The following TBC1D1 variants were observed in gnomAD, a reference collection of about 807,000 sequenced individuals.
The protein encoded by TBC1D1 is TBC1 domain family member 1.
In TBC1D1, 89 loss-of-function variants were observed where a neutral mutation model predicts 125.6. The ratio of observed to expected loss-of-function variants is 0.71; its 90% CI spans 0.60 to 0.85. The LOEUF (loss-of-function observed/expected upper bound fraction) is 0.85. Among genes scored for constraint, TBC1D1 ranks in the 40% least tolerant of loss-of-function variants. The pLI is 0.00. For missense variants in TBC1D1, 1,377 were observed against 1,469.2 expected (o/e 0.94, Z 1.03); for synonymous variants, 565 against 564.1 (o/e 1.00, Z -0.02).
chr4:37,926,953 C>A (rs988330880), intron 2 of TBC1D1, among the ~76,000 whole-genome samples: 51 of 152,208 alleles, frequency 3.4e-4, no homozygotes, highest in African/African-American at 1.2e-3. Flanking sequence ...CCCATCTCTA[C>A]TAAAAATACA....
chr4:37,982,064 T>C (rs1369849609), intron 2 of TBC1D1, among the ~76,000 whole-genome samples: 2 of 152,228 alleles, frequency 1.3e-5, no homozygotes, highest in Admixed American at 1.3e-4. Flanking sequence ...CAACTTGCCC[T>C]TCCATCATCT....
chr4:38,030,541 T>G (rs1745936543), intron 7 of TBC1D1: 1 of 152,272 alleles, frequency 6.6e-6, no homozygotes. Flanking sequence ...TGTTGAATTA[T>G]GTCCTCAATG....
At chr4:38,003,386 A>T (rs1739445377) in intron 2 of TBC1D1, among the ~76,000 whole-genome samples, 1 of 152,152 alleles carries the variant, frequency 6.6e-6, no homozygotes, top group African/African-American at 2.4e-5. Context: ...AGATTGCCGG[A>T]AAGTTGAGGA....
intron 2 of TBC1D1, among the ~76,000 whole-genome samples, chr4:37,939,751 T>C (rs1013899457): frequency 3.9e-5 from 6 of 152,346 alleles, no homozygotes; most frequent in African/African-American, 1.4e-4. Flanking sequence ...GGCTAGCCAG[T>C]TTTCCCAGCA....
At chr4:37,931,178 C>T (rs565943765) in intron 2 of TBC1D1, among the ~76,000 whole-genome samples, 1 of 152,214 alleles carries the variant, frequency 6.6e-6, no homozygotes, top group Non-Finnish European at 1.5e-5. Context: ...TCTCTGCTCA[C>T]TGCAGCCTCT....
chr4:37,951,057 G>A (rs571133914), intron 2 of TBC1D1, among the ~76,000 whole-genome samples: 226 of 152,226 alleles, frequency 1.5e-3, no homozygotes, highest in African/African-American at 4.7e-3. Flanking sequence ...GAGCCACTGC[G>A]CCTGGCCTAT....
intron 2 of TBC1D1, among the ~76,000 whole-genome samples, chr4:37,957,484 GGGTGCGTGCCTGTAGTCCTA>G (rs1372321900): frequency 6.6e-6 from 1 of 152,126 alleles, no homozygotes; most frequent in Non-Finnish European, 1.5e-5. Context: ...CTGGGCATGG[GGGTGCGTGCCTGTAGTCCTA>G]GGTACTCAGG....
At chr4:38,028,738 C>G (rs1455192501) in intron 7 of TBC1D1, among the ~76,000 whole-genome samples, 1 of 152,204 alleles carries the variant, frequency 6.6e-6, no homozygotes, top group Non-Finnish European at 1.5e-5. Flanking sequence ...GGCCTCTGGT[C>G]CGCATGTACT....
rs1351491268 is a variant in TBC1D1, at chr4:38,014,109, T to C, written c.418-400T>C. On this transcript the variant is annotated intron_variant, in intron 2 of 19. Coordinates refer to ENST00000261439, the MANE Select transcript of TBC1D1 (RefSeq NM_015173.4). The surrounding 1 kb of genome is among the most constrained non-coding windows in gnomAD (Gnocchi z 5.1). ...GAACCACGTTGGAGACAGACTTCTC[T>C]GGGAGGCGACAGCTTCTCCAGAGGA... 1.3e-5 allele frequency among the ~76,000 whole-genome samples: 2 copies of C among 152,210 alleles called. No individual in the cohort carries two copies. Among genetic ancestry groups the C allele is most frequent in the African/African-American group, 4.8e-5 (2 of 41,448 alleles).
At chr4:37,933,692 C>A (rs1723791228) in intron 2 of TBC1D1, among the ~76,000 whole-genome samples, 1 of 152,126 alleles carries the variant, frequency 6.6e-6, no homozygotes, top group Non-Finnish European at 1.5e-5. Context: ...ACAACATATA[C>A]AAAATGTTTA....
In TBC1D1 at chr4:37,914,468, C is replaced by T. The variant is rs535789178; in HGVS notation, c.417+11956C>T. On this transcript the variant is annotated intron_variant, in intron 2 of 19. Coordinates refer to ENST00000261439, the MANE Select transcript of TBC1D1 (RefSeq NM_015173.4). The stretch of plus-strand genomic sequence containing the variant: ...CAAATTATTCAACCCATTGCAAATA[C>T]ACCACTTCCTTTGCTCCATTACAGA... 1.2e-4 allele frequency among the ~76,000 whole-genome samples: 18 copies of T among 152,280 alleles called. 1 individual carries two copies. The South Asian group carries it at 2.7e-3, about 23-fold the overall frequency.
chr4:37,926,243 G>A (rs189437968), intron 2 of TBC1D1, among the ~76,000 whole-genome samples: 1 of 152,326 alleles, frequency 6.6e-6, no homozygotes, highest in African/African-American at 2.4e-5. Flanking sequence ...ACCAGGATAA[G>A]GATTCCCTCC....
chr4:38,051,779 G>A (rs1426340225), intron 11 of TBC1D1, 120 bp from the exon 12 acceptor site: 2 of 934,206 alleles, frequency 2.1e-6, no homozygotes, highest in African/African-American at 3.3e-5. Context: ...CCTCCACTCT[G>A]ATAGTGTTAC....
At chr4:38,025,848 G>A (rs960290803) in intron 6 of TBC1D1, among the ~76,000 whole-genome samples, 3 of 152,198 alleles carry the variant, frequency 2.0e-5, no homozygotes, top group Admixed American at 2.0e-4. Context: ...CTTGCTGAAA[G>A]AGTGACTGCA....
At chr4:38,129,754 A>G (rs550284094) in intron 18 of TBC1D1, among the ~76,000 whole-genome samples, 48 of 152,360 alleles carry the variant, frequency 3.2e-4, no homozygotes, top group Non-Finnish European at 6.3e-4. Context: ...ATATCTAGTA[A>G]ACAAATATCT....
rs1476567343 is a variant in TBC1D1, at chr4:37,977,379, G to A, written c.418-37130G>A. Reference sequence around the variant, plus strand: ...GCCCGCCGCCGCCGCCGCCGCCGCCGGGGAGAGCGATGCCCCGGCCCCGCC... The same window carrying A: ...GCCCGCCGCCGCCGCCGCCGCCGCCAGGGAGAGCGATGCCCCGGCCCCGCC... On this transcript the variant is annotated intron_variant, in intron 2 of 19. Transcript: ENST00000261439. This position sits in a 1 kb window ranked among gnomAD's most constrained non-coding sequence, Gnocchi z 4.3. 1 of 412,112 alleles carries A rather than the reference G, an allele frequency of 2.4e-6. No individual in the cohort carries two copies. Among genetic ancestry groups the A allele is most frequent in the Non-Finnish European group, 3.3e-6 (1 of 307,334 alleles). The allele number at this position is 412,112 out of a possible 1,614,324, so 25.5% of individuals were successfully genotyped here.
At chr4:38,110,267 CTCT>C (rs1056881788) in intron 15 of TBC1D1, 1 of 985,186 alleles carries the variant, frequency 1.0e-6, no homozygotes, top group African/African-American at 1.7e-5. Context: ...CCTGCAAGAT[CTCT>C]TGAGGGGCTT....
rs192471618 is a variant in TBC1D1 at position 38,036,831 on chromosome 4, C to G, written c.1413+1133C>G. Among the ~76,000 whole-genome samples the G allele has an allele frequency of 5.9e-5, 9 of 152,282 alleles. No individual in the cohort carries two copies. The East Asian group carries it at 1.4e-3, about 23-fold the overall frequency. On this transcript the variant is annotated intron_variant, in intron 8 of 19. Coordinates refer to ENST00000261439, the MANE Select transcript of TBC1D1 (RefSeq NM_015173.4). ...GTTTTTTGGGGTTTTGACTTGTGGT[C>G]TTGGTTTGTAGCCATTCCTCCCTTC...
At chr4:38,053,072 TTATCC>T in intron 11 of TBC1D1, 29 bp from the exon 13 acceptor site, 1 of 1,340,350 alleles carries the variant, frequency 7.5e-7, no homozygotes, top group Non-Finnish European at 9.7e-7. Flanking sequence ...TTATGTTTCT[TTATCC>T]TAAACTCTTT....
Sources: gnomAD v4.1 joint callset for allele counts (sites outside exome capture counted in the v4.1 genomes callset) on GRCh38, gnomAD v4.1.1 for gene constraint, Gnocchi (gnomAD v3.1) non-coding constraint, MANE v1.5 for transcripts, NCBI Gene and HGNC (gene_info 2026-07-23, HGNC 2026-07-21) for gene names.